The following HUWE1 variants were observed in gnomAD, a reference collection of about 807,000 sequenced individuals.
The protein encoded by HUWE1 is HECT, UBA and WWE domain containing E3 ubiquitin protein ligase 1, also known as E3 ubiquitin-protein ligase HUWE1.
HUWE1 carries 18 observed loss-of-function variants against 299.4 expected under a neutral mutation model. The ratio of observed to expected loss-of-function variants is 0.06; its 90% CI spans 0.04 to 0.09. The LOEUF (loss-of-function observed/expected upper bound fraction) is 0.09. Among genes scored for constraint, HUWE1 ranks in the 10% least tolerant of loss-of-function variants. The pLI, the probability that HUWE1 is intolerant of heterozygous loss-of-function variation, is 1.00. For synonymous variants in HUWE1, 1,317 were observed against 1,286.1 expected, an observed-to-expected ratio of 1.02 and a Z score of -0.51; for missense variants, 1,832 against 3,462.3, an observed-to-expected ratio of 0.53 and a Z score of 11.82.
At chrX:53,655,045 G>C (rs1439357426) in intron 3 of HUWE1, among the ~76,000 whole-genome samples, 10 of 111,495 alleles carry the variant, frequency 9.0e-5, no homozygotes, top group African/African-American at 2.9e-4. Context: ...AGCCTGATCA[G>C]ATCCACTGTA....
chrX:53,590,559 G>C (rs1363363271), intron 34 of HUWE1, 60 bp from the exon 35 acceptor site: 10 of 841,644 alleles, frequency 1.2e-5, no homozygotes, highest in Non-Finnish European at 1.8e-5. Context: ...AACCCAACAA[G>C]ACCACTGCAA....
chrX:53,584,986 G>C, intron 40 of HUWE1, 26 bp downstream of exon 40: 2 of 1,209,571 alleles, frequency 1.7e-6, no homozygotes, highest in South Asian at 3.5e-5. Flanking sequence ...CCACGGGTTA[G>C]ACAAGCTTGG....
chrX:53,665,185 T>C (rs782388647), intron 3 of HUWE1, among the ~76,000 whole-genome samples: 23 of 111,537 alleles, frequency 2.1e-4, no homozygotes, highest in Non-Finnish European at 4.1e-4. Context: ...TCCCTATCCT[T>C]AGCCACATAA....
intron 43 of HUWE1, among the ~76,000 whole-genome samples, chrX:53,578,154 G>C: frequency 1.0e-5 from 1 of 96,075 alleles, no homozygotes; most frequent in Middle Eastern, 6.3e-3. Context: ...CTGAGATGTG[G>C]GGAGCACCTC....
intron 3 of HUWE1, among the ~76,000 whole-genome samples, chrX:53,679,646 C>T (rs372283697): frequency 9.0e-6 from 1 of 111,300 alleles, no homozygotes; most frequent in Admixed American, 9.5e-5. Flanking sequence ...TTAAAAAAAA[C>T]CAAACAAACA....
chrX:53,564,800 T>A (rs1430728074), intron 50 of HUWE1, 78 bp from the exon 51 acceptor site: 2 of 1,144,540 alleles, frequency 1.7e-6, no homozygotes, highest in Admixed American at 4.4e-5. Context: ...GCAAAGACAA[T>A]AAGGTCCCTT....
chrX:53,566,017 A>C (rs2062514936), intron 49 of HUWE1, among the ~76,000 whole-genome samples: 1 of 106,638 alleles, frequency 9.4e-6, no homozygotes, highest in Non-Finnish European at 1.9e-5. Context: ...AAGGTGTGTG[A>C]GACCAACCAG....
At chrX:53,578,178 T>C (rs1337077718) in intron 43 of HUWE1, among the ~76,000 whole-genome samples, 1 of 88,923 alleles carries the variant, frequency 1.1e-5, no homozygotes, top group East Asian at 3.9e-4. Context: ...CCCGCCGCCC[T>C]GTCTGGGATG....
intron 60 of HUWE1, among the ~76,000 whole-genome samples, chrX:53,556,515 G>A (rs919105542): frequency 8.9e-6 from 1 of 112,140 alleles, no homozygotes; most frequent in Admixed American, 9.5e-5. Flanking sequence ...CAGGTGTAGG[G>A]AGGCAGAAGA....
intron 37 of HUWE1, 150 bp downstream of exon 37, chrX:53,588,232 T>C (rs1426136640): frequency 1.9e-6 from 1 of 538,286 alleles, no homozygotes; most frequent in Non-Finnish European, 3.1e-6. Flanking sequence ...TACGTAATTA[T>C]ATGCATTTCA....
rs782422986 is a variant in HUWE1, at chrX:53,592,539, T to C, written c.3831A>G (p.Leu1277=). 17 of 1,209,065 alleles carry C rather than the reference T, an allele frequency of 1.4e-5. No homozygotes were observed. In the African/African-American group the frequency reaches 2.6e-4, roughly 19 times the overall value. The change falls in exon 33 of 84, where the codon CTA becomes CTG. Residue 1277 remains leucine, a synonymous_variant. Transcript: ENST00000262854. ...GRMAESMLAI[L]CHILRGEPVI... ...CAGGTTCTCCTCGGAGGATGTGGCA[T>C]AGAATGGCCAGCATCGATTCAGCCA...
Position 53,617,436 on chromosome X carries a change from C to T in HUWE1, c.1683G>A (p.Val561=). 1 of 1,154,434 alleles carries T rather than the reference C, an allele frequency of 8.7e-7. No homozygotes were observed. Among genetic ancestry groups the T allele is most frequent in the Non-Finnish European group, 1.2e-6 (1 of 848,210 alleles). Residue 561 remains valine (V), a synonymous_variant, in exon 20 of 84, where the codon GTG becomes GTA. Coordinates refer to ENST00000262854, the MANE Select transcript of HUWE1 (RefSeq NM_031407.7). ...GPSLFLLATE[V]VTVFVFQEPS... ...GTTCTTGAAATACAAACACAGTCACCACTTCAGTAGCTAAAAAAAGATGAG... is the reference window on the plus strand; with the variant it reads ...GTTCTTGAAATACAAACACAGTCACTACTTCAGTAGCTAAAAAAAGATGAG...
At position 53,615,851 on chromosome X, in the gene HUWE1, G is replaced by A; in HGVS notation, c.1958-16C>T. On this transcript the variant is annotated splice_polypyrimidine_tract_variant and intron_variant, in intron 21 of 83. Transcript: ENST00000262854. ...GCAGTATCCCCTTAAGGCAAAAAAT[G>A]AACTGTTAGAATTAGAAAGACTGAA... is the stretch of plus-strand genomic sequence containing the variant. 9.0e-7 allele frequency: 1 copy of A among 1,112,430 alleles called. No individual in the cohort carries two copies. Among genetic ancestry groups the A allele is most frequent in the East Asian group, 3.0e-5 (1 of 33,442 alleles). 91.7% of individuals were successfully genotyped at this position (1,112,430 alleles called of 1,213,427 possible).
At chrX:53,679,960 C>T (rs2070045029) in intron 3 of HUWE1, 89 bp downstream of exon 3, 3 of 294,542 alleles carry the variant, frequency 1.0e-5, no homozygotes, top group Non-Finnish European at 1.8e-5. Flanking sequence ...AAAGTAGCTC[C>T]ATTACAGAAT....
chrX:53,628,498 A>G lies in HUWE1; in HGVS notation c.1237T>C (p.Leu413=), dbSNP rs894533651. Residue 413 remains leucine, a synonymous_variant, in exon 15 of 84, where the codon TTG becomes CTG. Coordinates refer to ENST00000262854, the MANE Select transcript of HUWE1 (RefSeq NM_031407.7). ...LVSCGMMEAL[L]KVIKFLGDEQ... ...AAAAAAAAAAAGTACAGCACCTTCA[A>G]TAAGGCTTCCATCATTCCACAGGAG... 8.9e-5 allele frequency: 103 copies of G among 1,160,224 alleles called. No individual in the cohort carries two copies. Among genetic ancestry groups the G allele is most frequent in the Non-Finnish European group, 1.2e-4 (101 of 870,828 alleles).
intron 3 of HUWE1, among the ~76,000 whole-genome samples, chrX:53,657,998 G>A (rs1228811758): frequency 1.2e-5 from 1 of 85,880 alleles, no homozygotes; most frequent in African/African-American, 4.6e-5. Context: ...GCAGTGAGCT[G>A]AGATGGCGCC....
Position 53,547,842 on chromosome X carries a change from G to T in HUWE1, c.10467C>A (p.Thr3489=). 1 of 1,201,397 alleles carries T rather than the reference G, an allele frequency of 8.3e-7. No homozygotes were observed. Among genetic ancestry groups the T allele is most frequent in the Non-Finnish European group, 1.1e-6 (1 of 889,550 alleles). Residue 3489 remains threonine, a synonymous_variant, in exon 68 of 84, where the codon ACC becomes ACA. Coordinates refer to ENST00000262854, the MANE Select transcript of HUWE1 (RefSeq NM_031407.7). ...CGGCAGTGGTGGTGGTGGTAGATGT[G>T]GTTGAGGTGGCAGTGGTGGTGGAGG... ...GASSTTTATS[T]TSTTTTTAAS...
chrX:53,630,770 A>G (rs2066827488), intron 12 of HUWE1, 165 bp downstream of exon 12: 4 of 441,699 alleles, frequency 9.1e-6, no homozygotes, highest in Admixed American at 3.6e-5. Flanking sequence ...TAAGGAGCTC[A>G]AGGATAATGA....
At chrX:53,630,820 G>A (rs782329990) in intron 12 of HUWE1, 115 bp downstream of exon 12, 1 of 511,709 alleles carries the variant, frequency 2.0e-6, no homozygotes, top group Non-Finnish European at 3.5e-6. Context: ...AAGTATTTAA[G>A]TTGCTACCTA....
Sources: allele counts gnomAD v4.1 joint callset (sites outside exome capture counted in the v4.1 genomes callset), GRCh38; gene constraint gnomAD v4.1.1; transcripts MANE v1.5; gene names NCBI Gene and HGNC (gene_info 2026-07-23, HGNC 2026-07-21).